The following NUP107 variants were observed in gnomAD, a reference collection of about 807,000 sequenced individuals.
NUP107 encodes the protein nuclear pore complex protein Nup107.
Under a neutral mutation model 141.0 loss-of-function variants are expected in NUP107, and 101 were observed. That is an observed-to-expected ratio of 0.72 (90% CI 0.61 to 0.84). The LOEUF is 0.84. Among genes scored for constraint, NUP107 ranks in the 40% least tolerant of loss-of-function variants. NUP107 has a pLI of 0.00. For missense variants in NUP107, 941 were observed against 1,102.7 expected, an observed-to-expected ratio of 0.85 and a Z score of 2.08; for synonymous variants, 319 against 363.9, an observed-to-expected ratio of 0.88 and a Z score of 1.41.
intron 10 of NUP107, among the ~76,000 whole-genome samples, chr12:68,711,448 G>A (rs1876853269): frequency 6.7e-6 from 1 of 150,088 alleles, no homozygotes; most frequent in Admixed American, 6.7e-5. Flanking sequence ...TGATATGACA[G>A]GAGCTTGAAC....
intron 24 of NUP107, among the ~76,000 whole-genome samples, chr12:68,734,398 A>G (rs1328010442): frequency 1.2e-4 from 18 of 152,350 alleles, no homozygotes; most frequent in African/African-American, 4.1e-4. Context: ...TCTAAAAACT[A>G]ATAGGCTAGT....
chr12:68,691,968 G>A lies in NUP107; in HGVS notation c.304G>A (p.Val102Ile). ...TTTTACTTTTTTGTTTTTTTTTAAG[G>A]TTACTAATCTGGATGACAGTAACTG... ...SSGFFGNLSMVTNLDDSNWAA... is the reference protein window; with the variant it reads ...SSGFFGNLSMITNLDDSNWAA... The change falls in exon 5 of 28, where the codon GTT (valine) becomes ATT (isoleucine). Residue 102 changes from valine to isoleucine, a missense_variant and splice_region_variant. Physicochemically the swap from Val to Ile is conservative, Grantham distance 29. Transcript: ENST00000229179. The A allele has an allele frequency of 3.2e-6, 5 of 1,586,162 alleles. No individual in the cohort carries two copies. The highest frequency in any genetic ancestry group is 4.3e-6 in the Non-Finnish European group (5 of 1,172,252).
rs74839420 is a variant in NUP107 at position 68,734,904 on chromosome 12, G to A, written c.2388+71G>A. On this transcript the variant is annotated intron_variant, in intron 25 of 27. Coordinates refer to ENST00000229179, the MANE Select transcript of NUP107 (RefSeq NM_020401.4). ...TGTGTGTTGTATATTTAAAGAGATC[G>A]TTTCTTCAGCAACTATCTTTCGATC... 0.063 allele frequency: 93,599 copies of A among 1,488,064 alleles called. 3,485 individuals carry two copies. The highest frequency in any genetic ancestry group is 0.077 in the Non-Finnish European group (84,213 of 1,097,516). 92.2% of individuals were successfully genotyped at this position (1,488,064 alleles called of 1,614,324 possible). A position where few individuals can be genotyped will look rare whatever the true frequency, so the allele number is the denominator to read the frequency against.
rs1457259608 is a variant in NUP107 at position 68,689,046 on chromosome 12, A to G, written c.93A>G (p.Arg31=). The change falls in exon 2 of 28, where the codon AGA becomes AGG. Residue 31 remains arginine (R), a synonymous_variant. Transcript: ENST00000229179. The stretch of plus-strand genomic sequence containing the variant: ...CACGGAAACAGAGTGCTCAGAAAAG[A>G]GTTTTACGTATCCTTTGCGATTTAA... ...RTARKQSAQK[R]VLLQASQDEN... is the part of the protein sequence containing the mutation. 6.2e-7 allele frequency: 1 copy of G among 1,609,856 alleles called. No individual in the cohort carries two copies. The highest frequency in any genetic ancestry group is 8.5e-7 in the Non-Finnish European group (1 of 1,176,668).
At chr12:68,741,704 A>T in intron 26 of NUP107, 109 bp from the exon 27 acceptor site, 3 of 941,504 alleles carry the variant, frequency 3.2e-6, no homozygotes, top group Admixed American at 5.0e-5. Context: ...TTTTGCTGTT[A>T]AATCTTGTCT....
rs190612333 is a variant in NUP107 at position 68,719,013 on chromosome 12, C to A, written c.1084-328C>A. Among the ~76,000 whole-genome samples the A allele has an allele frequency of 5.5e-4, 84 of 152,192 alleles. No individual in the cohort carries two copies. The East Asian group carries it at 0.014, about 26-fold the overall frequency. ...AAGCGATGCACCTGCCTCAGCCTCC[C>A]GAGTAGCTGGGATTACAGGTGCCTG... On this transcript the variant is annotated intron_variant, in intron 12 of 27. Transcript: ENST00000229179.
chr12:68,690,601 A>T, intron 3 of NUP107, 30 bp from the exon 4 acceptor site: 1 of 1,614,010 alleles, frequency 6.2e-7, no homozygotes, highest in Non-Finnish European at 8.5e-7. Flanking sequence ...CACGCACTTT[A>T]GGTTCTTTCT....
chr12:68,709,175 A>G (rs1316717008), intron 8 of NUP107, 63 bp from the exon 9 acceptor site: 1 of 1,109,590 alleles, frequency 9.0e-7, no homozygotes, highest in Non-Finnish European at 1.3e-6. Context: ...TTCTATTAAA[A>G]TAATATTTCT....
rs186231699 is a variant in NUP107, at chr12:68,691,775, G to A, written c.304-193G>A. On this transcript the variant is annotated intron_variant, in intron 4 of 27. Coordinates refer to ENST00000229179, the MANE Select transcript of NUP107 (RefSeq NM_020401.4). ...CTTGAGCCTGAGAGGCAAAGGTTGC[G>A]TTGAGCCATGATCGTGCCACTGAAC... 9.3e-4 allele frequency among the ~76,000 whole-genome samples: 140 copies of A among 151,050 alleles called. 1 individual carries two copies. The highest frequency in any genetic ancestry group is 3.1e-3 in the African/African-American group (127 of 41,100).
chr12:68,702,651 A>C (rs1276048342), intron 7 of NUP107, 85 bp from the exon 8 acceptor site: 18 of 909,586 alleles, frequency 2.0e-5, no homozygotes, highest in Non-Finnish European at 2.5e-5. Context: ...AGTTAGCCAA[A>C]TTTTCCTTCT....
At chr12:68,712,644 G>GTT (rs568962637) in intron 10 of NUP107, among the ~76,000 whole-genome samples, 1 of 125,998 alleles carries the variant, frequency 7.9e-6, no homozygotes. Context: ...TTTGTTTTTT[G>GTT]TTTTTTTTTT....
At position 68,731,635 on chromosome 12, in the gene NUP107, T is replaced by C. The variant is rs748772643; in HGVS notation, c.1914T>C (p.Thr638=). ...ADLDVATITK[T]VVENIRKKDN... ...TGGATGTTGCAACAATAACAAAAAC[T>C]GTAGTTGAGAATATTCGAAAGAAAG... The change falls in exon 22 of 28, where the codon ACT becomes ACC. Residue 638 remains threonine, a synonymous_variant. Transcript: ENST00000229179. 21 of 1,576,526 alleles carry C rather than the reference T, an allele frequency of 1.3e-5. No individual in the cohort carries two copies. In the East Asian group the frequency reaches 4.4e-4, roughly 33 times the overall value.
chr12:68,734,730 A>C lies in NUP107; in HGVS notation c.2285A>C (p.Glu762Ala), dbSNP rs1317764011. 1.2e-6 allele frequency: 2 copies of C among 1,602,046 alleles called. No individual in the cohort carries two copies. The highest frequency in any genetic ancestry group is 1.3e-5 in the African/African-American group (1 of 74,568). The change falls in exon 25 of 28, where the codon GAG (glutamate) becomes GCG (alanine). Residue 762 changes from glutamate (E) to alanine (A), a missense_variant. By Grantham distance (107) the Glu-to-Ala change is moderately radical (BLOSUM62 -1). Transcript: ENST00000229179. ...TAGGAAGCCCATGAAACCTTTAATG[A>C]GTGGTTTAAGCATATGAATTCAGTT... ...AYLEAHETFN[E>A]WFKHMNSVPQ...
chr12:68,708,139 A>G (rs1462894284), intron 8 of NUP107, among the ~76,000 whole-genome samples: 1 of 152,142 alleles, frequency 6.6e-6, no homozygotes, highest in Non-Finnish European at 1.5e-5. Flanking sequence ...CATTTTATAT[A>G]AGGGCCTTGA....
In NUP107 at chr12:68,742,442, G is replaced by C; in HGVS notation, c.2758G>C (p.Gly920Arg). ...MLLDQGLDPLGYEIQL is the reference protein window; with the variant it reads ...MLLDQGLDPLRYEIQL ...CCTAGACCAGGGACTTGACCCATTA[G>C]GGTATGAAATTCAGTTATAGTTTAA... Residue 920 changes from glycine to arginine, a missense_variant, in exon 28 of 28, where the codon GGG (glycine) becomes CGG (arginine). Physicochemically the swap from Gly to Arg is moderately radical, Grantham distance 125. Coordinates refer to ENST00000229179, the MANE Select transcript of NUP107 (RefSeq NM_020401.4). 6.3e-7 allele frequency: 1 copy of C among 1,581,224 alleles called. No individual in the cohort carries two copies. The highest frequency in any genetic ancestry group is 1.2e-5 in the South Asian group (1 of 86,552).
chr12:68,700,595 A>G, intron 6 of NUP107, 131 bp from the exon 7 acceptor site: 2 of 529,988 alleles, frequency 3.8e-6, no homozygotes, highest in Admixed American at 4.1e-5. Context: ...TAAAAAGACA[A>G]AATAGAGAAG....
At position 68,725,715 on chromosome 12, in the gene NUP107, C is replaced by T. The variant is rs1555178636; in HGVS notation, c.1507-12C>T. 3 of 1,416,232 alleles carry T rather than the reference C, an allele frequency of 2.1e-6. No individual in the cohort carries two copies. The highest frequency in any genetic ancestry group is 4.3e-5 in the Admixed American group (2 of 47,042). The allele number at this position is 1,416,232 out of a possible 1,614,324, so 87.7% of individuals were successfully genotyped here. On this transcript the variant is annotated splice_polypyrimidine_tract_variant and intron_variant, in intron 17 of 27. Coordinates refer to ENST00000229179, the MANE Select transcript of NUP107 (RefSeq NM_020401.4). ...TAGAAGATTTATGGAAAATTAAAAA[C>T]TTTTTTTTCAGAGAGTTCTGGAAGA... is the stretch of plus-strand genomic sequence containing the variant.
chr12:68,701,599 T>A (rs1194150117), intron 7 of NUP107, among the ~76,000 whole-genome samples: 1 of 151,892 alleles, frequency 6.6e-6, no homozygotes, highest in Non-Finnish European at 1.5e-5. Context: ...GGAGAATCGC[T>A]TGAACCTCGG....
chr12:68,708,121 T>C (rs1351370894), intron 8 of NUP107, among the ~76,000 whole-genome samples: 1 of 151,962 alleles, frequency 6.6e-6, no homozygotes, highest in African/African-American at 2.4e-5. Context: ...AAATAAAATA[T>C]ACTACAACAT....
Sources: gnomAD v4.1 joint callset for allele counts (sites outside exome capture counted in the v4.1 genomes callset) on GRCh38, gnomAD v4.1.1 for gene constraint, MANE v1.5 for transcripts, NCBI Gene and HGNC (gene_info 2026-07-23, HGNC 2026-07-21) for gene names.